Variants in ZNF804A observed in about 807,000 individuals in gnomAD.
ZNF804A encodes the protein zinc finger protein 804A.
Under a neutral mutation model 16.5 loss-of-function variants are expected in ZNF804A, and 2 were observed. The ratio of observed to expected loss-of-function variants is 0.12; its 90% confidence interval spans 0.05 to 0.38. The LOEUF (loss-of-function observed/expected upper bound fraction) is 0.38. Among genes scored for constraint, ZNF804A ranks in the 10% least tolerant of loss-of-function variants. The pLI is 0.99. For synonymous variants in ZNF804A, 534 were observed against 489.6 expected, an observed-to-expected ratio of 1.09 and a Z score of -1.20; for missense variants, 1,473 against 1,390.7, an observed-to-expected ratio of 1.06 and a Z score of -0.94.
rs1685829710 is a variant in ZNF804A, at chr2:184,938,324, T to A, written c.2928T>A (p.Ala976=). 1 of 1,614,046 alleles carries A rather than the reference T, an allele frequency of 6.2e-7. No individual in the cohort carries two copies. Among genetic ancestry groups the A allele is most frequent in the African/African-American group, 1.3e-5 (1 of 74,942 alleles). ...CCTATCTTTGCCATTATGAACTGGC[T>A]GAGGCCCTTCCACAAGGAAAGATGA... The part of the protein sequence containing the change: ...PKSYLCHYEL[A]EALPQGKMNE... The change falls in exon 4 of 4, where the codon GCT becomes GCA. Residue 976 remains alanine (A), a synonymous_variant. Transcript: ENST00000302277.
chr2:184,618,010 A>G (rs974477258), intron 1 of ZNF804A, among the ~76,000 whole-genome samples: 3 of 152,040 alleles, frequency 2.0e-5, no homozygotes, highest in Non-Finnish European at 2.9e-5. Context: ...TCTTGTGGAC[A>G]CTAGAGTATG....
chr2:184,872,254 T>C (rs181721986), intron 2 of ZNF804A, among the ~76,000 whole-genome samples: 2,453 of 152,210 alleles, frequency 0.016, 27 homozygotes, highest in Non-Finnish European at 0.026. Context: ...GTCTTTGTGA[T>C]GAAATACCAA....
chr2:184,719,490 G>A (rs1432588880), intron 1 of ZNF804A, among the ~76,000 whole-genome samples: 1 of 152,066 alleles, frequency 6.6e-6, no homozygotes, highest in Non-Finnish European at 1.5e-5. Context: ...CAAATTTTCG[G>A]AACTTTTATG....
intron 1 of ZNF804A, among the ~76,000 whole-genome samples, chr2:184,836,718 C>A (rs1695353281): frequency 1.3e-5 from 2 of 151,180 alleles, no homozygotes; most frequent in Admixed American, 1.3e-4. Context: ...ATGATAGACT[C>A]CCTCATCTCT....
chr2:184,743,802 CAG>C (rs1353968345), intron 1 of ZNF804A, among the ~76,000 whole-genome samples: 1 of 151,792 alleles, frequency 6.6e-6, no homozygotes, highest in Non-Finnish European at 1.5e-5. Context: ...TAATTTATAA[CAG>C]AATAAACTGG....
chr2:184,746,941 G>A (rs922491261), intron 1 of ZNF804A, among the ~76,000 whole-genome samples: 6 of 151,350 alleles, frequency 4.0e-5, no homozygotes, highest in African/African-American at 7.3e-5. Flanking sequence ...CAAACTGAGA[G>A]AGTTTTCAGT....
At chr2:184,896,550 A>C (rs1685072827) in intron 2 of ZNF804A, among the ~76,000 whole-genome samples, 1 of 152,146 alleles carries the variant, frequency 6.6e-6, no homozygotes, top group African/African-American at 2.4e-5. Context: ...CCTGATTGCC[A>C]GGAGGTCTGT....
rs569408428 is a variant in ZNF804A, at chr2:184,704,833, C to G, written c.111+105763C>G. Among the ~76,000 whole-genome samples the G allele has an allele frequency of 6.6e-5, 10 of 152,302 alleles. No individual in the cohort carries two copies. The South Asian group carries it at 2.1e-3, about 32-fold the overall frequency. ...TAAAAAGCCTGAATGACACTGGTCG[C>G]TAACAACTGACTGCTCAAACCTTGA... On this transcript the variant is annotated intron_variant, in intron 1 of 3. Transcript: ENST00000302277.
intron 2 of ZNF804A, among the ~76,000 whole-genome samples, chr2:184,916,698 A>G (rs1027522038): frequency 3.9e-5 from 6 of 152,084 alleles, no homozygotes; most frequent in Non-Finnish European, 5.9e-5. Flanking sequence ...AAATACAAAA[A>G]TTAGCTGGGC....
At chr2:184,687,954 A>T (rs1333761559) in intron 1 of ZNF804A, among the ~76,000 whole-genome samples, 1 of 152,066 alleles carries the variant, frequency 6.6e-6, no homozygotes, top group Non-Finnish European at 1.5e-5. Flanking sequence ...CCCCGTCTCT[A>T]CTAAAAATAC....
intron 1 of ZNF804A, among the ~76,000 whole-genome samples, chr2:184,675,248 C>T (rs1692403210): frequency 6.6e-6 from 1 of 151,714 alleles, no homozygotes; most frequent in South Asian, 2.1e-4. Context: ...AAGCATTGAA[C>T]ATATATTTTT....
intron 2 of ZNF804A, among the ~76,000 whole-genome samples, chr2:184,913,204 T>C (rs1185244934): frequency 6.6e-6 from 1 of 152,192 alleles, no homozygotes; most frequent in Non-Finnish European, 1.5e-5. Context: ...TCCTTCTTTA[T>C]GTAGTTATTG....
intron 1 of ZNF804A, among the ~76,000 whole-genome samples, chr2:184,715,593 G>A (rs1461815691): frequency 6.6e-6 from 1 of 151,844 alleles, no homozygotes; most frequent in Non-Finnish European, 1.5e-5. Context: ...TAGTGATGAG[G>A]TCCAGCTATG....
rs530535225 is a variant in ZNF804A at position 184,860,761 on chromosome 2, T to C, written c.112-5608T>C. 8.5e-5 allele frequency among the ~76,000 whole-genome samples: 13 copies of C among 152,308 alleles called. No individual in the cohort carries two copies. In the South Asian group the frequency reaches 2.7e-3, roughly 32 times the overall value. On this transcript the variant is annotated intron_variant, in intron 1 of 3. Transcript: ENST00000302277. ...ACCTGGATCCTGTGTCTGCAGGGGATTGCCTGGGAGTTGAGTTTGTAGGTA... is the reference window on the plus strand; with the variant it reads ...ACCTGGATCCTGTGTCTGCAGGGGACTGCCTGGGAGTTGAGTTTGTAGGTA...
At chr2:184,931,709 T>A (rs760002819) in intron 2 of ZNF804A, among the ~76,000 whole-genome samples, 2 of 152,324 alleles carry the variant, frequency 1.3e-5, no homozygotes, top group Non-Finnish European at 2.9e-5. Context: ...GACTTCTTGT[T>A]ACTTATGCAA....
intron 1 of ZNF804A, among the ~76,000 whole-genome samples, chr2:184,851,565 A>G (rs1172981723): frequency 6.6e-6 from 1 of 151,844 alleles, no homozygotes; most frequent in Non-Finnish European, 1.5e-5. Flanking sequence ...TACACAACAC[A>G]TTGTCTTTAT....
At chr2:184,657,754 A>T (rs1237758005) in intron 1 of ZNF804A, among the ~76,000 whole-genome samples, 3 of 152,160 alleles carry the variant, frequency 2.0e-5, no homozygotes, top group African/African-American at 7.2e-5. Context: ...CTGAATACTT[A>T]TCTAATGGGA....
At chr2:184,789,920 T>G (rs1197781017) in intron 1 of ZNF804A, among the ~76,000 whole-genome samples, 1 of 152,038 alleles carries the variant, frequency 6.6e-6, no homozygotes, top group Non-Finnish European at 1.5e-5. Flanking sequence ...CAATGCTAGG[T>G]TGTTAATTTG....
chr2:184,709,985 A>T (rs1256641311), intron 1 of ZNF804A, among the ~76,000 whole-genome samples: 1 of 150,926 alleles, frequency 6.6e-6, no homozygotes, highest in Non-Finnish European at 1.5e-5. Flanking sequence ...TATAGTATTT[A>T]TATTGCTTTG....
Sources: allele counts gnomAD v4.1 joint callset (sites outside exome capture counted in the v4.1 genomes callset), GRCh38; gene constraint gnomAD v4.1.1; transcripts MANE v1.5; gene names NCBI Gene and HGNC (gene_info 2026-07-23, HGNC 2026-07-21).